Variants in PPM1L observed in about 807,000 individuals in gnomAD.
The protein encoded by PPM1L is protein phosphatase, Mg2+/Mn2+ dependent 1L.
In PPM1L, 13 loss-of-function variants were observed where a neutral mutation model predicts 31.4. The ratio of observed to expected loss-of-function variants is 0.41; its 90% CI spans 0.27 to 0.66. PPM1L has a LOEUF of 0.66. PPM1L is among the 30% of genes least tolerant of loss of function. The probability of loss-of-function intolerance (pLI) is 0.29; values close to 1 mark genes in which losing one functional copy is unlikely to be tolerated. For synonymous variants in PPM1L, 184 were observed against 175.4 expected, an observed-to-expected ratio of 1.05 and a Z score of -0.39; for missense variants, 326 against 453.7, an observed-to-expected ratio of 0.72 and a Z score of 2.56.
intron 1 of PPM1L, among the ~76,000 whole-genome samples, chr3:160,885,943 A>G (rs1314679507): frequency 6.6e-6 from 1 of 152,140 alleles, no homozygotes; most frequent in Non-Finnish European, 1.5e-5. Context: ...ACTGCCTAAC[A>G]CACTAACCTC....
At chr3:160,840,803 AAGAG>A (rs1359599949) in intron 1 of PPM1L, among the ~76,000 whole-genome samples, 2 of 135,640 alleles carry the variant, frequency 1.5e-5, no homozygotes, top group Admixed American at 7.2e-5. Context: ...GAGAGAGAGA[AAGAG>A]AGAGAAGGAG....
chr3:160,936,631 T>C (rs1714982082), intron 1 of PPM1L, among the ~76,000 whole-genome samples: 1 of 152,230 alleles, frequency 6.6e-6, no homozygotes, highest in African/African-American at 2.4e-5. Context: ...AGTTAGTTAA[T>C]GGCAGAAACA....
chr3:161,011,944 A>G (rs867115422), intron 2 of PPM1L, among the ~76,000 whole-genome samples: 4 of 152,212 alleles, frequency 2.6e-5, no homozygotes, highest in South Asian at 2.1e-4. Context: ...TTCTAAATAT[A>G]CAATCATGTC....
At chr3:160,870,295 C>T (rs1473264891) in intron 1 of PPM1L, among the ~76,000 whole-genome samples, 1 of 152,146 alleles carries the variant, frequency 6.6e-6, no homozygotes, top group Non-Finnish European at 1.5e-5. Flanking sequence ...TTGAAGATCA[C>T]GAAGCAGTTG....
intron 1 of PPM1L, among the ~76,000 whole-genome samples, chr3:160,942,517 A>T (rs1291255097): frequency 6.6e-6 from 1 of 152,224 alleles, no homozygotes; most frequent in Non-Finnish European, 1.5e-5. Context: ...TAAACTGATT[A>T]TTTAAAGTTT....
chr3:160,887,980 TGCTGAGGGA>T (rs1712981899), intron 1 of PPM1L, among the ~76,000 whole-genome samples: 1 of 152,102 alleles, frequency 6.6e-6, no homozygotes, highest in Non-Finnish European at 1.5e-5. Context: ...GATAAGAAAA[TGCTGAGGGA>T]TTTCATTATC....
chr3:160,975,083 C>G (rs1251381875), intron 2 of PPM1L, among the ~76,000 whole-genome samples: 1 of 151,880 alleles, frequency 6.6e-6, no homozygotes, highest in Non-Finnish European at 1.5e-5. Context: ...TTTCAGCTTT[C>G]TACGTATGGC....
intron 1 of PPM1L, among the ~76,000 whole-genome samples, chr3:160,760,668 G>A (rs949113812): frequency 6.7e-6 from 1 of 150,308 alleles, no homozygotes; most frequent in Non-Finnish European, 1.5e-5. Flanking sequence ...GAAAATCATT[G>A]TTTTTGTGCT....
At chr3:160,877,235 A>C (rs1414228586) in intron 1 of PPM1L, among the ~76,000 whole-genome samples, 3 of 152,342 alleles carry the variant, frequency 2.0e-5, no homozygotes, top group African/African-American at 4.8e-5. Context: ...ATCTTTTTGA[A>C]TAGCTTGATT....
intron 1 of PPM1L, among the ~76,000 whole-genome samples, chr3:160,890,880 T>TCTCCTA (rs1460720750): frequency 6.6e-6 from 1 of 152,046 alleles, no homozygotes; most frequent in Non-Finnish European, 1.5e-5. Context: ...GGGGAAAGGA[T>TCTCCTA]CTCCTATTCA....
chr3:160,874,635 G>A (rs1321532101), intron 1 of PPM1L, among the ~76,000 whole-genome samples: 1 of 152,180 alleles, frequency 6.6e-6, no homozygotes, highest in Non-Finnish European at 1.5e-5. Context: ...TTGAGAGGTA[G>A]AGGGCTGTGT....
chr3:160,815,664 A>G (rs1321424947), intron 1 of PPM1L, among the ~76,000 whole-genome samples: 3 of 152,198 alleles, frequency 2.0e-5, no homozygotes, highest in South Asian at 2.1e-4. Context: ...TTATTCCATC[A>G]TAATATAGTA....
rs534302010 is a variant in PPM1L, at chr3:161,057,250, G to A, written c.575-8153G>A. ...TTACCCTCAGCTGCTACAGGTCTCT[G>A]TTGTCATCCCTTCCCTCCTCCGCCT... On this transcript the variant is annotated intron_variant, in intron 2 of 3. Transcript: ENST00000498165. Among the ~76,000 whole-genome samples, 3 of 152,178 alleles carry A rather than the reference G, an allele frequency of 2.0e-5. No individual in the cohort carries two copies. In the South Asian group the frequency reaches 6.2e-4, roughly 32 times the overall value.
intron 2 of PPM1L, among the ~76,000 whole-genome samples, chr3:161,047,597 A>C (rs914678479): frequency 2.6e-5 from 4 of 152,236 alleles, no homozygotes; most frequent in Admixed American, 1.3e-4. Flanking sequence ...TTTAAAGTTC[A>C]TATGTAACCA....
chr3:161,009,769 G>C (rs1717830122), intron 2 of PPM1L, among the ~76,000 whole-genome samples: 1 of 152,018 alleles, frequency 6.6e-6, no homozygotes, highest in Non-Finnish European at 1.5e-5. Flanking sequence ...TAAAAGCAAA[G>C]CTCAGGACCA....
At chr3:160,928,299 T>C (rs1559890799) in intron 1 of PPM1L, among the ~76,000 whole-genome samples, 1 of 152,206 alleles carries the variant, frequency 6.6e-6, no homozygotes, top group Non-Finnish European at 1.5e-5. Context: ...TCTTCACTTC[T>C]AGCAACAGAC....
chr3:160,839,377 G>C (rs1297592043), intron 1 of PPM1L, among the ~76,000 whole-genome samples: 3 of 152,120 alleles, frequency 2.0e-5, no homozygotes, highest in African/African-American at 7.2e-5. Flanking sequence ...CTAGGAGTGG[G>C]TGGGGAACTC....
chr3:160,963,308 AT>A (rs1201087643), intron 2 of PPM1L, among the ~76,000 whole-genome samples: 1 of 152,056 alleles, frequency 6.6e-6, no homozygotes, highest in Non-Finnish European at 1.5e-5. Context: ...TACTACACTA[AT>A]GCAGGTTCTC....
chr3:160,833,880 T>C (rs1713609714), intron 1 of PPM1L, among the ~76,000 whole-genome samples: 1 of 152,080 alleles, frequency 6.6e-6, no homozygotes, highest in African/African-American at 2.4e-5. Flanking sequence ...TTGCCCAGAT[T>C]TTCTTCTAGG....
Sources: gnomAD v4.1 joint callset for allele counts (sites outside exome capture counted in the v4.1 genomes callset) on GRCh38, gnomAD v4.1.1 for gene constraint, MANE v1.5 for transcripts, NCBI Gene and HGNC (gene_info 2026-07-23, HGNC 2026-07-21) for gene names.